The following RAD51B variants were observed in gnomAD, a reference collection of about 807,000 sequenced individuals.
RAD51B encodes the protein RAD51 paralog B.
RAD51B carries 38 observed loss-of-function variants against 42.2 expected under a neutral mutation model. The observed-to-expected ratio is 0.90, with a 90% confidence interval of 0.70 to 1.18. The LOEUF (loss-of-function observed/expected upper bound fraction) is 1.18, where lower values mean the gene tolerates loss of function less well. Ranked by LOEUF, RAD51B falls within the 50% of genes most tolerant of loss-of-function variation. The pLI is 0.00. For missense variants in RAD51B, 373 were observed against 400.7 expected, an observed-to-expected ratio of 0.93 and a Z score of 0.59; for synonymous variants, 154 against 145.2, an observed-to-expected ratio of 1.06 and a Z score of -0.43.
intron 10 of RAD51B, among the ~76,000 whole-genome samples, chr14:68,499,473 T>G (rs1884770792): frequency 6.6e-6 from 1 of 152,112 alleles, no homozygotes; most frequent in Non-Finnish European, 1.5e-5. Context: ...CATAATCCAA[T>G]GTGATATTTT....
At chr14:68,081,756 G>A (rs992166708) in intron 7 of RAD51B, among the ~76,000 whole-genome samples, 1 of 152,110 alleles carries the variant, frequency 6.6e-6, no homozygotes, top group Non-Finnish European at 1.5e-5. Flanking sequence ...ACCTCTAGGG[G>A]AGAACACAGA....
intron 7 of RAD51B, among the ~76,000 whole-genome samples, chr14:68,201,562 T>C (rs756464580): frequency 3.3e-5 from 5 of 152,258 alleles, no homozygotes; most frequent in Non-Finnish European, 7.3e-5. Context: ...TGTAGAACTA[T>C]GTCCTAGAAC....
At position 68,681,394 on chromosome 14, in the gene RAD51B, G is replaced by A. The variant is rs59126043; in HGVS notation, c.*11+30538G>A. Among the ~76,000 whole-genome samples the A allele has an allele frequency of 7.8e-3, 1,181 of 152,262 alleles. 11 individuals carry two copies. Among genetic ancestry groups the A allele is most frequent in the African/African-American group, 0.024 (982 of 41,538 alleles). ...AGAGAGAGGAGGAGGAAGAGGAATA[G>A]GAAGGTGAAGGAGGAACAAGGGCCT... On this transcript the variant is annotated intron_variant, in intron 11 of 11. Coordinates refer to the RAD51B transcript ENST00000488612.
chr14:68,062,924 G>A lies in RAD51B; in HGVS notation c.756+175720G>A, dbSNP rs771088260. Reference sequence around the variant, plus strand: ...TATTGCTGATTCAATTTTATTACTCGTCATTGGTCTGTTCATGCTTTCCAT... The same window carrying A: ...TATTGCTGATTCAATTTTATTACTCATCATTGGTCTGTTCATGCTTTCCAT... On this transcript the variant is annotated intron_variant, in intron 7 of 10. Transcript: ENST00000471583. 4.7e-5 allele frequency among the ~76,000 whole-genome samples: 7 copies of A among 149,800 alleles called. No individual in the cohort carries two copies. The South Asian group carries it at 6.3e-4, about 13-fold the overall frequency.
At chr14:68,563,647 C>G in intron 10 of RAD51B, 11 of 985,374 alleles carry the variant, frequency 1.1e-5, no homozygotes, top group Non-Finnish European at 1.3e-5. Context: ...AATGGGCCAT[C>G]GGTCATGCTT....
chr14:68,417,324 G>A (rs1448376003), intron 9 of RAD51B, among the ~76,000 whole-genome samples: 1 of 152,166 alleles, frequency 6.6e-6, no homozygotes, highest in Non-Finnish European at 1.5e-5. Flanking sequence ...TGTGCTGCAG[G>A]GGTAGATGAA....
intron 10 of RAD51B, among the ~76,000 whole-genome samples, chr14:68,477,418 C>T (rs35584815): frequency 1.1e-3 from 166 of 152,156 alleles, no homozygotes; most frequent in African/African-American, 3.7e-3. Flanking sequence ...AGCGACACTC[C>T]CCTTTTGTCT....
intron 10 of RAD51B, among the ~76,000 whole-genome samples, chr14:68,486,989 C>T (rs140481012): frequency 3.3e-5 from 5 of 152,138 alleles, no homozygotes; most frequent in East Asian, 1.9e-4. Context: ...TCTCTTAGTA[C>T]GTATTCACAT....
At chr14:68,271,755 A>G (rs114344918) in intron 7 of RAD51B, among the ~76,000 whole-genome samples, 1,565 of 152,316 alleles carry the variant, frequency 0.01, 15 homozygotes, top group African/African-American at 0.035. Context: ...AGACTGATCA[A>G]CTCGTAACAA....
At chr14:68,097,845 T>G (rs2077221008) in intron 7 of RAD51B, among the ~76,000 whole-genome samples, 1 of 152,236 alleles carries the variant, frequency 6.6e-6, no homozygotes, top group Non-Finnish European at 1.5e-5. Context: ...TTTAGTTTAG[T>G]GCCAAGGCCT....
chr14:68,366,848 T>A (rs533471650), intron 8 of RAD51B, among the ~76,000 whole-genome samples: 16 of 152,290 alleles, frequency 1.1e-4, no homozygotes, highest in Admixed American at 5.2e-4. Context: ...CTTGTTTGAC[T>A]GAAACAAAAA....
chr14:68,047,117 G>T (rs116807094), intron 7 of RAD51B, among the ~76,000 whole-genome samples: 119 of 152,088 alleles, frequency 7.8e-4, no homozygotes, highest in African/African-American at 2.7e-3. Flanking sequence ...TTTCTACTTA[G>T]AAGGAAGCCT....
At chr14:68,023,122 G>T (rs1305660902) in intron 7 of RAD51B, among the ~76,000 whole-genome samples, 2 of 152,130 alleles carry the variant, frequency 1.3e-5, no homozygotes, top group South Asian at 2.1e-4. Context: ...GAACATACAT[G>T]TGCATTTGTC....
intron 10 of RAD51B, among the ~76,000 whole-genome samples, chr14:68,626,919 G>C (rs1892096245): frequency 6.6e-6 from 1 of 152,118 alleles, no homozygotes; most frequent in East Asian, 1.9e-4. Context: ...ACATGCCTTT[G>C]TTGAACCGAG....
chr14:68,331,809 C>T (rs916671397), intron 8 of RAD51B, among the ~76,000 whole-genome samples: 10 of 152,056 alleles, frequency 6.6e-5, no homozygotes, highest in African/African-American at 2.4e-4. Flanking sequence ...GTGATAATTT[C>T]TATATTTGTA....
At chr14:67,932,279 G>A (rs2044767046) in intron 7 of RAD51B, among the ~76,000 whole-genome samples, 1 of 152,202 alleles carries the variant, frequency 6.6e-6, no homozygotes, top group African/African-American at 2.4e-5. Flanking sequence ...GATTCTGGGT[G>A]CATTCAGTTG....
chr14:68,520,705 A>G (rs1566924126), intron 10 of RAD51B, among the ~76,000 whole-genome samples: 1 of 152,222 alleles, frequency 6.6e-6, no homozygotes, highest in Non-Finnish European at 1.5e-5. Flanking sequence ...ACAAATACAT[A>G]GTGAGGACCT....
chr14:68,342,324 T>G (rs2139840174), intron 8 of RAD51B, among the ~76,000 whole-genome samples: 1 of 152,302 alleles, frequency 6.6e-6, no homozygotes, highest in East Asian at 1.9e-4. Context: ...AGGGGGAAAG[T>G]CTTTGTTCTC....
chr14:68,518,531 G>A (rs1453284335), intron 10 of RAD51B, among the ~76,000 whole-genome samples: 8 of 151,702 alleles, frequency 5.3e-5, no homozygotes, highest in Admixed American at 6.6e-5. Flanking sequence ...GCCTTAAGCC[G>A]ATGGTGACCC....
Sources: gnomAD v4.1 joint callset for allele counts (sites outside exome capture counted in the v4.1 genomes callset) on GRCh38, gnomAD v4.1.1 for gene constraint, MANE v1.5 for transcripts, NCBI Gene and HGNC (gene_info 2026-07-23, HGNC 2026-07-21) for gene names.